The following TMEM64 variants were observed in gnomAD, a reference collection of about 807,000 sequenced individuals.
The protein encoded by TMEM64 is transmembrane protein 64.
Under a neutral mutation model 24.5 loss-of-function variants are expected in TMEM64, and 19 were observed. The ratio of observed to expected loss-of-function variants is 0.78; its 90% CI spans 0.54 to 1.14. The LOEUF (loss-of-function observed/expected upper bound fraction) is 1.14. Among genes scored for constraint, TMEM64 ranks in the 50% most tolerant of loss-of-function variants. The pLI is 0.00. For missense variants in TMEM64, 487 were observed against 493.0 expected (o/e 0.99, Z 0.12); for synonymous variants, 262 against 224.7 (o/e 1.17, Z -1.49).
rs1259892905 is a variant in TMEM64, at chr8:90,624,450, T to A, written c.*1221A>T. 6.6e-6 allele frequency: 1 copy of A among 152,460 alleles called. No homozygotes were observed. The highest frequency in any genetic ancestry group is 2.4e-5 in the African/African-American group (1 of 41,436). 9.4% of individuals were successfully genotyped at this position (152,460 alleles called of 1,614,324 possible). ...ATTTTAAAAATAAAACGAATACATA[T>A]GTAATATGAATCATATGCCAAATTA... On this transcript the variant is annotated 3_prime_UTR_variant, in exon 3 of 3. Transcript: ENST00000458549.
chr8:90,626,929 A>C (rs752223379), intron 2 of TMEM64, among the ~76,000 whole-genome samples: 4 of 152,060 alleles, frequency 2.6e-5, no homozygotes, highest in Non-Finnish European at 5.9e-5. Context: ...TGCCCGGCCA[A>C]CTTTAGCATT....
chr8:90,626,942 A>G (rs1022563551), intron 2 of TMEM64, among the ~76,000 whole-genome samples: 1 of 152,112 alleles, frequency 6.6e-6, no homozygotes, highest in Non-Finnish European at 1.5e-5. Flanking sequence ...TTAGCATTCT[A>G]TGTACAGCTC....
Position 90,645,982 on chromosome 8 carries a change from C to T in TMEM64, c.-77G>A, listed in dbSNP as rs1205385174. 1 of 770,578 alleles carries T rather than the reference C, an allele frequency of 1.3e-6. No individual in the cohort carries two copies. Among genetic ancestry groups the T allele is most frequent in the African/African-American group, 1.9e-5 (1 of 53,202 alleles). The allele number at this position is 770,578 out of a possible 1,614,324, so 47.7% of individuals were successfully genotyped here. A position where few individuals can be genotyped will look rare whatever the true frequency, so the allele number is the denominator to read the frequency against. On this transcript the variant is annotated 5_prime_UTR_variant, in exon 1 of 3. Transcript: ENST00000458549. The surrounding 1 kb of genome is among the most constrained non-coding windows in gnomAD (Gnocchi z 4.2). ...CGTTAGGCAGCTGCCCTTCATGGCG[C>T]CCGGTTCGCCCGGCATCGACTCCCT...
intron 1 of TMEM64, among the ~76,000 whole-genome samples, chr8:90,632,556 T>C (rs1809454931): frequency 6.6e-6 from 1 of 152,098 alleles, no homozygotes; most frequent in African/African-American, 2.4e-5. Flanking sequence ...TATCCTGACC[T>C]TGTGATCCGC....
chr8:90,629,997 G>A (rs182524509), intron 2 of TMEM64, among the ~76,000 whole-genome samples: 14 of 152,214 alleles, frequency 9.2e-5, no homozygotes, highest in Admixed American at 3.3e-4. Context: ...AATTAAATTT[G>A]TAATACGGTA....
intron 2 of TMEM64, among the ~76,000 whole-genome samples, chr8:90,626,266 G>T (rs1321514093): frequency 6.6e-6 from 1 of 152,154 alleles, no homozygotes; most frequent in Non-Finnish European, 1.5e-5. Context: ...ATGTCCATAG[G>T]TATTTCTAAG....
At chr8:90,632,135 C>G (rs1265407686) in intron 1 of TMEM64, among the ~76,000 whole-genome samples, 1 of 152,160 alleles carries the variant, frequency 6.6e-6, no homozygotes. Flanking sequence ...ATATGCTACT[C>G]TGTCTCTAAA....
chr8:90,631,734 T>C (rs763014610), intron 1 of TMEM64, 27 bp from the exon 2 acceptor site: 16 of 1,570,384 alleles, frequency 1.0e-5, no homozygotes, highest in East Asian at 6.8e-5. Flanking sequence ...AAGGGAATGA[T>C]TCATTACCAA....
chr8:90,640,872 C>A (rs1276467626), intron 1 of TMEM64, among the ~76,000 whole-genome samples: 1 of 152,108 alleles, frequency 6.6e-6, no homozygotes, highest in Non-Finnish European at 1.5e-5. Context: ...CTATGGTGGG[C>A]TCATATAAAT....
chr8:90,635,830 T>C (rs1809510150), intron 1 of TMEM64, among the ~76,000 whole-genome samples: 1 of 152,216 alleles, frequency 6.6e-6, no homozygotes, highest in Admixed American at 6.5e-5. Flanking sequence ...AAAATAAATA[T>C]CTCAGTTCAA....
chr8:90,636,262 AT>A (rs769469950), intron 1 of TMEM64, among the ~76,000 whole-genome samples: 1 of 152,094 alleles, frequency 6.6e-6, no homozygotes, highest in Non-Finnish European at 1.5e-5. Flanking sequence ...TTTGTTTTAT[AT>A]ATATTTTTTT....
intron 2 of TMEM64, among the ~76,000 whole-genome samples, chr8:90,627,141 TATAAC>T (rs1467026642): frequency 8.5e-5 from 13 of 152,192 alleles, no homozygotes; most frequent in African/African-American, 2.9e-4. Flanking sequence ...TACCCATAAT[TATAAC>T]ATAAGCTTTA....
rs112956725 is a variant in TMEM64, at chr8:90,625,905, C to CA, written c.952-44dup. 7.4e-3 allele frequency: 10,236 copies of CA among 1,388,528 alleles called. 481 individuals are homozygous for CA. The African/African-American group carries it at 0.13, about 17-fold the overall frequency. The allele number at this position is 1,388,528 out of a possible 1,614,324, so 86.0% of individuals were successfully genotyped here. On this transcript the variant is annotated intron_variant, in intron 2 of 2. Transcript: ENST00000458549. ...ACATTACAGTTATCAATATTTTATACAAAAAAAAGAAATAAATCCAATAAA... is the reference window on the plus strand; with the variant it reads ...ACATTACAGTTATCAATATTTTATACAAAAAAAAAGAAATAAATCCAATAAA...
At chr8:90,639,694 C>T (rs1023839626) in intron 1 of TMEM64, among the ~76,000 whole-genome samples, 3 of 152,110 alleles carry the variant, frequency 2.0e-5, no homozygotes, top group African/African-American at 7.2e-5. Flanking sequence ...AAATCATTAA[C>T]TCAATATTAT....
At chr8:90,635,367 CATTTTATTTTATTTTATTTT>C (rs540790616) in intron 1 of TMEM64, among the ~76,000 whole-genome samples, 3 of 149,222 alleles carry the variant, frequency 2.0e-5, no homozygotes, top group African/African-American at 7.6e-5. Context: ...GCTTCCAAAT[CATTTTATTTTATTTTATTTT>C]ATTTTATTTT....
At chr8:90,639,069 C>T (rs1455129671) in intron 1 of TMEM64, among the ~76,000 whole-genome samples, 2 of 151,320 alleles carry the variant, frequency 1.3e-5, no homozygotes, top group African/African-American at 4.9e-5. Context: ...GTTAGGGTCT[C>T]TCAAGCAACC....
At chr8:90,636,496 TG>T (rs1295924453) in intron 1 of TMEM64, among the ~76,000 whole-genome samples, 1 of 152,210 alleles carries the variant, frequency 6.6e-6, no homozygotes, top group Non-Finnish European at 1.5e-5. Context: ...CCTCATGATC[TG>T]CCTGCGTCGG....
In TMEM64 at chr8:90,625,673, A is replaced by T. The variant is rs199534695; in HGVS notation, c.1141T>A (p.Ter381ArgextTer2). ...GACAATCACGTATCTCATTAGAATC[A>T]TACAACATTGATTCCACCTCCAGAA... is the stretch of plus-strand genomic sequence containing the variant. The part of the protein sequence containing the change: ...TFSGGGINVV[*>R] Residue 381 changes from the stop codon to arginine (R), a stop_lost, in exon 3 of 3, where the codon TGA becomes AGA. Transcript: ENST00000458549. The T allele has an allele frequency of 6.2e-7, 1 of 1,613,270 alleles. No homozygotes were observed. Among genetic ancestry groups the T allele is most frequent in the East Asian group, 2.2e-5 (1 of 44,820 alleles).
intron 1 of TMEM64, among the ~76,000 whole-genome samples, chr8:90,637,960 G>A (rs1809547322): frequency 6.6e-6 from 1 of 152,070 alleles, no homozygotes. Context: ...CATCAGTCAG[G>A]CACATAGCTA....
Sources: allele counts gnomAD v4.1 joint callset (sites outside exome capture counted in the v4.1 genomes callset), GRCh38; gene constraint gnomAD v4.1.1; non-coding constraint Gnocchi (gnomAD v3.1); transcripts MANE v1.5; gene names NCBI Gene and HGNC (gene_info 2026-07-23, HGNC 2026-07-21).